TNNI1: variants seen among roughly 807,000 people sequenced by gnomAD.
TNNI1 encodes the protein troponin I, slow skeletal muscle.
In TNNI1, 14 loss-of-function variants were observed where a neutral mutation model predicts 26.7. The observed-to-expected ratio is 0.52, with a 90% CI of 0.35 to 0.82. TNNI1 has a LOEUF of 0.82. TNNI1 is among the 40% of genes least tolerant of loss of function. The pLI is 0.01. For missense variants in TNNI1, 164 were observed against 257.0 expected (o/e 0.64, Z 2.47); for synonymous variants, 79 against 98.2 (o/e 0.80, Z 1.16).
chr1:201,415,335 C>T lies in TNNI1; in HGVS notation c.16-81G>A, dbSNP rs1662714545. 7.0e-6 allele frequency: 10 copies of T among 1,432,786 alleles called. No individual in the cohort carries two copies. In the Middle Eastern group the frequency reaches 5.2e-4, roughly 75 times the overall value. The allele number at this position is 1,432,786 out of a possible 1,614,324, so 88.8% of individuals were successfully genotyped here. On this transcript the variant is annotated intron_variant, in intron 3 of 8. Coordinates refer to ENST00000361379, the MANE Select transcript of TNNI1 (RefSeq NM_003281.4). ...TTCTGGTCTAGGACAAGACAAGTGC[C>T]AGCCAGCGTTCTCTATCTTTATCCG...
At chr1:201,414,268 A>G (rs1053972282) in intron 5 of TNNI1, among the ~76,000 whole-genome samples, 12 of 152,196 alleles carry the variant, frequency 7.9e-5, no homozygotes, top group Admixed American at 6.5e-5. Context: ...CTGATTGTGA[A>G]GCTGGGCCGC....
rs756371289 is a variant in TNNI1 at position 201,417,820 on chromosome 1, G to A, written c.-19-8C>T. The A allele has an allele frequency of 1.8e-5, 24 of 1,312,660 alleles. No homozygotes were observed. The highest frequency in any genetic ancestry group is 2.3e-5 in the Non-Finnish European group (24 of 1,021,636). The allele number at this position is 1,312,660 out of a possible 1,614,324, so 81.3% of individuals were successfully genotyped here. A position where few individuals can be genotyped will look rare whatever the true frequency, so the allele number is the denominator to read the frequency against. ...GTGGCAGTGAGACAGCACCTAGGGGGCACAGAGGAATCATTCATAAGGGAA... is the reference window on the plus strand; with the variant it reads ...GTGGCAGTGAGACAGCACCTAGGGGACACAGAGGAATCATTCATAAGGGAA... On this transcript the variant is annotated splice_region_variant and splice_polypyrimidine_tract_variant and intron_variant, in intron 1 of 8. Transcript: ENST00000361379.
rs766118035 is a variant in TNNI1, at chr1:201,411,343, GA to G, written c.456+13del. ...AGGGCAGAGGGTGGAATGTTCTGAGGAAAGGGACCTCACCTTCTCTGTGTCT... is the reference window on the plus strand; with the variant it reads ...AGGGCAGAGGGTGGAATGTTCTGAGGAAGGGACCTCACCTTCTCTGTGTCT... On this transcript the variant is annotated intron_variant, in intron 7 of 8. Coordinates refer to ENST00000361379, the MANE Select transcript of TNNI1 (RefSeq NM_003281.4). The surrounding 1 kb of genome is among the most constrained non-coding windows in gnomAD (Gnocchi z 4.6). 9.3e-6 allele frequency: 15 copies of G among 1,613,194 alleles called. No homozygotes were observed. Among genetic ancestry groups the G allele is most frequent in the Non-Finnish European group, 1.3e-5 (15 of 1,179,682 alleles).
At chr1:201,409,479 A>T (rs562489811) in intron 8 of TNNI1, among the ~76,000 whole-genome samples, 31 of 152,234 alleles carry the variant, frequency 2.0e-4, no homozygotes, top group South Asian at 4.1e-4. Flanking sequence ...TGCGGCCCTC[A>T]GCTCTTACCT....
chr1:201,412,632 C>T (rs570455414), intron 6 of TNNI1, among the ~76,000 whole-genome samples: 35 of 152,342 alleles, frequency 2.3e-4, no homozygotes, highest in Admixed American at 9.1e-4. Context: ...CCTCTCTGAT[C>T]CTGAGTGTTC....
rs1330702602 is a variant in TNNI1, at chr1:201,409,009, C to T, written c.*244G>A. On this transcript the variant is annotated 3_prime_UTR_variant, in exon 9 of 9. Transcript: ENST00000361379. ...GTTACACCACGGGGTGGCTGAGAAGCCCCAGGTGCCTCATGGGTGGATAGA... is the reference window on the plus strand; with the variant it reads ...GTTACACCACGGGGTGGCTGAGAAGTCCCAGGTGCCTCATGGGTGGATAGA... The T allele has an allele frequency of 6.6e-6, 1 of 152,244 alleles. No homozygotes were observed. Among genetic ancestry groups the T allele is most frequent in the Non-Finnish European group, 1.5e-5 (1 of 68,080 alleles). 9.4% of individuals were successfully genotyped at this position (152,244 alleles called of 1,614,324 possible). A position where few individuals can be genotyped will look rare whatever the true frequency, so the allele number is the denominator to read the frequency against.
Position 201,410,353 on chromosome 1 carries a change from G to T in TNNI1, c.539C>A (p.Ala180Asp). Reference protein sequence around the residue: ...GMEGRKKMFDAAKSPTSQ With the variant: ...GMEGRKKMFDDAKSPTSQ ...CTATTGTGAGGTCGGAGACTTGGCG[G>T]CATCAAACATCTTCTTCCGGCCTTC... Residue 180 changes from alanine (A) to aspartate (D), a missense_variant, in exon 8 of 9, where the codon GCC becomes GAC. Physicochemically the swap from Ala to Asp is moderately radical, Grantham distance 126 (BLOSUM62 -2). Transcript: ENST00000361379. 2 of 1,614,120 alleles carry T rather than the reference G, an allele frequency of 1.2e-6. No homozygotes were observed. Among genetic ancestry groups the T allele is most frequent in the Non-Finnish European group, 8.5e-7 (1 of 1,180,008 alleles).
At chr1:201,414,493 G>A in intron 5 of TNNI1, 25 bp downstream of exon 5, 1 of 1,545,424 alleles carries the variant, frequency 6.5e-7, no homozygotes. Flanking sequence ...GCCCCACCCT[G>A]CCCCGCCCCA....
chr1:201,418,570 G>C (rs943066645), intron 1 of TNNI1, among the ~76,000 whole-genome samples: 22 of 152,138 alleles, frequency 1.4e-4, no homozygotes, highest in African/African-American at 5.3e-4. Flanking sequence ...GGTGGTCATT[G>C]AAGGGCTCAG....
At chr1:201,419,990 A>G (rs1571740094) in intron 1 of TNNI1, among the ~76,000 whole-genome samples, 1 of 152,156 alleles carries the variant, frequency 6.6e-6, no homozygotes, top group Non-Finnish European at 1.5e-5. Flanking sequence ...GCGAAGAGCC[A>G]CCTCCAGGCC....
At chr1:201,417,181 T>C in intron 2 of TNNI1, 62 bp from the exon 3 acceptor site, 1 of 1,610,850 alleles carries the variant, frequency 6.2e-7, no homozygotes, top group Non-Finnish European at 8.5e-7. Context: ...GTATGAACAA[T>C]GAGGATTACA....
At chr1:201,412,484 C>G (rs1662649411) in intron 6 of TNNI1, among the ~76,000 whole-genome samples, 1 of 152,192 alleles carries the variant, frequency 6.6e-6, no homozygotes, top group Non-Finnish European at 1.5e-5. Flanking sequence ...CTGCTCTGCC[C>G]CTCCCCACTG....
At chr1:201,417,962 G>T in intron 1 of TNNI1, 150 bp from the exon 2 acceptor site, 2 of 526,136 alleles carry the variant, frequency 3.8e-6, no homozygotes, top group East Asian at 3.6e-5. Context: ...AGATGGGACA[G>T]GGTTGCAGGG....
chr1:201,415,016 C>T (rs899105440), intron 4 of TNNI1, among the ~76,000 whole-genome samples, 197 bp downstream of exon 4: 2 of 152,254 alleles, frequency 1.3e-5, no homozygotes, highest in African/African-American at 4.8e-5. Context: ...ATGCCAGAAT[C>T]CATACTCGAG....
intron 4 of TNNI1, 63 bp downstream of exon 4, chr1:201,415,150 G>A: frequency 7.0e-7 from 1 of 1,425,502 alleles, no homozygotes; most frequent in Non-Finnish European, 9.9e-7. Flanking sequence ...TCCCTTCAGA[G>A]TCTGCTCTGC....
In TNNI1 at chr1:201,412,555, G is replaced by A. The variant is rs536686064; in HGVS notation, c.279+477C>T. On this transcript the variant is annotated intron_variant, in intron 6 of 8. Coordinates refer to ENST00000361379, the MANE Select transcript of TNNI1 (RefSeq NM_003281.4). Reference sequence around the variant, plus strand: ...CCATGCTAAGGGAGCACAGAGCACCGGAGTGGAAGCCAGAGACCAGCACTG... The same window carrying A: ...CCATGCTAAGGGAGCACAGAGCACCAGAGTGGAAGCCAGAGACCAGCACTG... Among the ~76,000 whole-genome samples the A allele has an allele frequency of 3.9e-5, 6 of 152,284 alleles. 1 individual carries two copies. The highest frequency in any genetic ancestry group is 7.2e-5 in the African/African-American group (3 of 41,568).
chr1:201,410,253 T>C (rs1662608308), intron 8 of TNNI1, 73 bp downstream of exon 8: 1 of 1,358,838 alleles, frequency 7.4e-7, no homozygotes, highest in African/African-American at 1.4e-5. Flanking sequence ...ACAACCCGCC[T>C]GCCCATTGTG....
intron 1 of TNNI1, among the ~76,000 whole-genome samples, chr1:201,419,977 C>G (rs758743252): frequency 3.3e-5 from 5 of 152,242 alleles, no homozygotes; most frequent in Non-Finnish European, 7.3e-5. Flanking sequence ...GAAACACCAG[C>G]TGGCGAAGAG....
At position 201,407,652 on chromosome 1, in the gene TNNI1, C is replaced by T. The variant is rs1571732502; in HGVS notation, c.*1601G>A. On this transcript the variant is annotated 3_prime_UTR_variant, in exon 9 of 9. Transcript: ENST00000361379. ...TCTGATAACTCAGCCCCTCCTAGGGCCAGTGCTAGGGTGGTCGAAAAGCCA... is the reference window on the plus strand; with the variant it reads ...TCTGATAACTCAGCCCCTCCTAGGGTCAGTGCTAGGGTGGTCGAAAAGCCA... 6.6e-6 allele frequency: 1 copy of T among 152,282 alleles called. No homozygotes were observed. Among genetic ancestry groups the T allele is most frequent in the Non-Finnish European group, 1.5e-5 (1 of 68,056 alleles). The allele number at this position is 152,282 out of a possible 1,614,324, so 9.4% of individuals were successfully genotyped here. A position where few individuals can be genotyped will look rare whatever the true frequency, so the allele number is the denominator to read the frequency against.
Sources: gnomAD v4.1 joint callset for allele counts (sites outside exome capture counted in the v4.1 genomes callset) on GRCh38, gnomAD v4.1.1 for gene constraint, Gnocchi (gnomAD v3.1) non-coding constraint, MANE v1.5 for transcripts, NCBI Gene and HGNC (gene_info 2026-07-23, HGNC 2026-07-21) for gene names.